Variants in PRKN observed in about 807,000 individuals in gnomAD.
PRKN encodes E3 ubiquitin-protein ligase parkin.
In PRKN, 56 loss-of-function variants were observed where a neutral mutation model predicts 59.5. The observed-to-expected ratio is 0.94, with a 90% CI of 0.76 to 1.18. The LOEUF (loss-of-function observed/expected upper bound fraction) is 1.18, where lower values mean the gene tolerates loss of function less well. Among genes scored for constraint, PRKN ranks in the 50% most tolerant of loss-of-function variants. The pLI, the probability that PRKN is intolerant of heterozygous loss-of-function variation, is 0.00. For synonymous variants in PRKN, 250 were observed against 222.1 expected (o/e 1.13, Z -1.12); for missense variants, 657 against 596.4 (o/e 1.10, Z -1.06).
chr6:162,656,590 C>T (rs114475379), intron 1 of PRKN, among the ~76,000 whole-genome samples: 30 of 152,342 alleles, frequency 2.0e-4, no homozygotes, highest in African/African-American at 7.0e-4. Flanking sequence ...TGCCATAGCA[C>T]ATGAATGCAA....
At chr6:162,705,377 C>T (rs543984335) in intron 1 of PRKN, among the ~76,000 whole-genome samples, 1 of 152,280 alleles carries the variant, frequency 6.6e-6, no homozygotes, top group South Asian at 2.1e-4. Context: ...CCAAATACTC[C>T]GGGCCTGAAA....
intron 2 of PRKN, among the ~76,000 whole-genome samples, chr6:162,293,520 T>C (rs974825254): frequency 6.6e-6 from 1 of 151,970 alleles, no homozygotes; most frequent in Non-Finnish European, 1.5e-5. Flanking sequence ...AGGGAGTGGG[T>C]GAGTGGGAGA....
chr6:162,222,888 A>T (rs1015349448), intron 3 of PRKN, among the ~76,000 whole-genome samples: 1 of 151,738 alleles, frequency 6.6e-6, no homozygotes, highest in African/African-American at 2.4e-5. Context: ...TTTAGGGTAC[A>T]TGTGCACAAT....
chr6:161,984,913 C>T (rs887079257), intron 5 of PRKN, among the ~76,000 whole-genome samples: 1 of 152,148 alleles, frequency 6.6e-6, no homozygotes, highest in African/African-American at 2.4e-5. Flanking sequence ...AGCAGCCCTC[C>T]CTGACCTCTG....
At chr6:161,591,914 C>T (rs1781739142) in intron 7 of PRKN, among the ~76,000 whole-genome samples, 1 of 152,064 alleles carries the variant, frequency 6.6e-6, no homozygotes, top group Non-Finnish European at 1.5e-5. Flanking sequence ...CCAAGCCTTA[C>T]CTGTACGGTT....
chr6:161,720,779 TA>T (rs762082280), intron 7 of PRKN, among the ~76,000 whole-genome samples: 14,683 of 116,744 alleles, frequency 0.13, 1,517 homozygotes, highest in African/African-American at 0.44. Flanking sequence ...TTTTTTTTTT[TA>T]ACTATTTTTA....
At chr6:162,125,879 G>A (rs1215427070) in intron 4 of PRKN, among the ~76,000 whole-genome samples, 1 of 152,172 alleles carries the variant, frequency 6.6e-6, no homozygotes, top group Non-Finnish European at 1.5e-5. Context: ...CAGTTGGAGG[G>A]TGAATTGCTG....
chr6:161,395,296 C>G lies in PRKN; in HGVS notation c.1084-8419G>C, dbSNP rs904907103. Among the ~76,000 whole-genome samples, 1 of 152,156 alleles carries G rather than the reference C, an allele frequency of 6.6e-6. No individual in the cohort carries two copies. The highest frequency in any genetic ancestry group is 1.5e-5 in the Non-Finnish European group (1 of 68,038). Reference sequence around the variant, plus strand: ...CTACAGATGGCTGTCTATTAGCACACGGAGAGCTGCTCCATTCTTCCTGAA... The same window carrying G: ...CTACAGATGGCTGTCTATTAGCACAGGGAGAGCTGCTCCATTCTTCCTGAA... On this transcript the variant is annotated intron_variant, in intron 9 of 11. Transcript: ENST00000366898. The surrounding 1 kb of genome is among the most constrained non-coding windows in gnomAD (Gnocchi z 5.0).
chr6:161,380,426 C>CTTTTTTTT (rs977152868), intron 10 of PRKN, among the ~76,000 whole-genome samples: 11 of 117,962 alleles, frequency 9.3e-5, no homozygotes, highest in Non-Finnish European at 1.6e-4. Flanking sequence ...CCAAGTCTAT[C>CTTTTTTTT]TTTTTTTTTT....
At chr6:161,870,599 T>A (rs757930048) in intron 6 of PRKN, among the ~76,000 whole-genome samples, 5 of 152,202 alleles carry the variant, frequency 3.3e-5, no homozygotes, top group Non-Finnish European at 7.3e-5. Flanking sequence ...TAATGTTTCA[T>A]GATCAGAAGG....
At chr6:161,829,318 C>T (rs564761708) in intron 6 of PRKN, among the ~76,000 whole-genome samples, 1 of 152,334 alleles carries the variant, frequency 6.6e-6, no homozygotes, top group East Asian at 1.9e-4. Flanking sequence ...CACCCATGAG[C>T]TCCTTTGCCA....
chr6:161,937,982 G>A (rs186843114), intron 6 of PRKN, among the ~76,000 whole-genome samples: 47 of 152,108 alleles, frequency 3.1e-4, no homozygotes, highest in Middle Eastern at 3.4e-3. Flanking sequence ...GTAATAGTCT[G>A]CACAGAAATC....
chr6:161,519,579 G>A (rs745457238), intron 9 of PRKN, among the ~76,000 whole-genome samples: 3 of 152,166 alleles, frequency 2.0e-5, no homozygotes, highest in Non-Finnish European at 4.4e-5. Flanking sequence ...TCAGGAATAG[G>A]CAGGTGTGAT....
At position 161,440,945 on chromosome 6, in the gene PRKN, C is replaced by T. The variant is rs1420783698; in HGVS notation, c.1084-54068G>A. Among the ~76,000 whole-genome samples, 1 of 152,104 alleles carries T rather than the reference C, an allele frequency of 6.6e-6. No individual in the cohort carries two copies. The highest frequency in any genetic ancestry group is 1.9e-4 in the East Asian group (1 of 5,192). The stretch of plus-strand genomic sequence containing the variant: ...TAAGACTAAAATGTCAGCTGAAAGA[C>T]AAAGAGAAAGATGGGATTGTTCTTG... On this transcript the variant is annotated intron_variant, in intron 9 of 11. Transcript: ENST00000366898. The surrounding 1 kb of genome is among the most constrained non-coding windows in gnomAD (Gnocchi z 4.1).
At chr6:162,482,865 TCATA>T (rs1389385757) in intron 1 of PRKN, among the ~76,000 whole-genome samples, 1 of 152,134 alleles carries the variant, frequency 6.6e-6, no homozygotes, top group Non-Finnish European at 1.5e-5. Flanking sequence ...TTATTATCCA[TCATA>T]CCTAATACCA....
intron 6 of PRKN, among the ~76,000 whole-genome samples, chr6:161,900,329 AGGAAACAAGACAT>A (rs1251248608): frequency 2.0e-5 from 3 of 150,680 alleles, no homozygotes. Context: ...CAGCAGCATC[AGGAAACAAGACAT>A]GGAGCTTTGG....
At chr6:161,746,166 T>C (rs1202804822) in intron 7 of PRKN, among the ~76,000 whole-genome samples, 1 of 152,216 alleles carries the variant, frequency 6.6e-6, no homozygotes, top group East Asian at 1.9e-4. Context: ...AGTAATTTCC[T>C]AAAGTGAAAC....
intron 3 of PRKN, among the ~76,000 whole-genome samples, chr6:162,210,255 T>C (rs1785150416): frequency 6.6e-6 from 1 of 152,140 alleles, no homozygotes; most frequent in Non-Finnish European, 1.5e-5. Flanking sequence ...ATGTCTACTA[T>C]TATTGTCTCA....
At chr6:161,948,383 C>T (rs1779860802) in intron 6 of PRKN, among the ~76,000 whole-genome samples, 1 of 152,212 alleles carries the variant, frequency 6.6e-6, no homozygotes, top group South Asian at 2.1e-4. Flanking sequence ...TGAATACCTA[C>T]CTGCTTCCTG....
Sources: gnomAD v4.1 joint callset for allele counts (sites outside exome capture counted in the v4.1 genomes callset) on GRCh38, gnomAD v4.1.1 for gene constraint, Gnocchi (gnomAD v3.1) non-coding constraint, MANE v1.5 for transcripts, NCBI Gene and HGNC (gene_info 2026-07-23, HGNC 2026-07-21) for gene names.